Variants in LIPA observed in about 807,000 individuals in gnomAD.
LIPA encodes lysosomal acid lipase/cholesteryl ester hydrolase.
In LIPA, 26 loss-of-function variants were observed where a neutral mutation model predicts 40.6. That is an observed-to-expected ratio of 0.64 (90% CI 0.47 to 0.89). The LOEUF (loss-of-function observed/expected upper bound fraction) is 0.89, where lower values mean the gene tolerates loss of function less well. Among genes scored for constraint, LIPA ranks in the 40% least tolerant of loss-of-function variants. The pLI is 0.00. For missense variants in LIPA, 455 were observed against 479.6 expected (o/e 0.95, Z 0.48); for synonymous variants, 188 against 168.4 (o/e 1.12, Z -0.90).
At chr10:89,393,468 C>T (rs1390413776) in intron 2 of LIPA, 2 of 423,402 alleles carry the variant, frequency 4.7e-6, no homozygotes, top group East Asian at 7.8e-5. Context: ...CAAGGGGGCT[C>T]ATGCTTGTAA....
At chr10:89,383,566 G>A in intron 2 of LIPA, 1 of 1,614,222 alleles carries the variant, frequency 6.2e-7, no homozygotes, top group Non-Finnish European at 8.5e-7. Flanking sequence ...AATTCAGAAA[G>A]AACATGCCAA....
chr10:89,274,532 C>T (rs1176113878), intron 1 of LIPA, among the ~76,000 whole-genome samples: 2 of 152,154 alleles, frequency 1.3e-5, no homozygotes, highest in Non-Finnish European at 2.9e-5. Context: ...GAAACTAGGA[C>T]ACATCATGTC....
intron 2 of LIPA, chr10:89,378,222 C>T (rs1301531178): frequency 7.1e-7 from 1 of 1,407,780 alleles, no homozygotes; most frequent in Non-Finnish European, 1.0e-6. Context: ...AATTTTTTGA[C>T]AGGCCTTCTC....
chr10:89,364,128 A>T (rs1241331411), intron 2 of LIPA, among the ~76,000 whole-genome samples: 3 of 152,222 alleles, frequency 2.0e-5, no homozygotes, highest in Non-Finnish European at 4.4e-5. Flanking sequence ...GTTTGGTGGC[A>T]CACATCGCAT....
intron 1 of LIPA, among the ~76,000 whole-genome samples, chr10:89,298,624 T>C (rs1373514304): frequency 1.3e-5 from 2 of 152,052 alleles, no homozygotes; most frequent in East Asian, 3.9e-4. Flanking sequence ...AGCAAGGAAA[T>C]ATGATACCTT....
intron 1 of LIPA, among the ~76,000 whole-genome samples, chr10:89,297,653 G>T (rs1482821898): frequency 6.6e-6 from 1 of 152,202 alleles, no homozygotes; most frequent in Non-Finnish European, 1.5e-5. Flanking sequence ...TCCTGTTTGG[G>T]GCTGTGAGAA....
intron 1 of LIPA, among the ~76,000 whole-genome samples, chr10:89,318,134 G>A (rs574212353): frequency 6.6e-5 from 10 of 152,094 alleles, no homozygotes; most frequent in Non-Finnish European, 1.0e-4. Context: ...AAAGACCATC[G>A]GTGCTAGGAA....
Position 89,318,857 on chromosome 10 carries a change from A to G in LIPA, c.-2+23754T>C, listed in dbSNP as rs1386694357. 3.3e-5 allele frequency among the ~76,000 whole-genome samples: 5 copies of G among 152,352 alleles called. No homozygotes were observed. In the East Asian group the frequency reaches 9.6e-4, roughly 29 times the overall value. ...ATGTAAAAGAACAGAAATTATAACA[A>G]ACTGTCTCTCAGACCACAGTGCAAT... On this transcript the variant is annotated intron_variant, in intron 1 of 5. Transcript: ENST00000282673.
intron 1 of LIPA, chr10:89,284,910 C>T (rs1843333680): frequency 6.6e-6 from 1 of 152,256 alleles, no homozygotes; most frequent in Non-Finnish European, 1.5e-5. Flanking sequence ...CCACTGAGCA[C>T]CTTGTGCCCC....
At chr10:89,385,313 C>T (rs1029738998) in intron 2 of LIPA, 4 of 152,374 alleles carry the variant, frequency 2.6e-5, no homozygotes, top group African/African-American at 9.7e-5. Flanking sequence ...AACACATACT[C>T]TATTGCCTGG....
At chr10:89,343,691 T>G (rs1036861355), upstream of LIPA, among the ~76,000 whole-genome samples, 3 of 152,060 alleles carry the variant, frequency 2.0e-5, no homozygotes, top group South Asian at 4.1e-4. Context: ...AGTCACTGAG[T>G]AGGGAGGGAG....
intron 3 of LIPA, among the ~76,000 whole-genome samples, chr10:89,244,268 T>C (rs1219610737): frequency 6.6e-6 from 1 of 151,984 alleles, no homozygotes; most frequent in African/African-American, 2.4e-5. Context: ...CTAGGATAAA[T>C]TAAGAAAAAA....
intron 1 of LIPA, among the ~76,000 whole-genome samples, chr10:89,283,338 C>T (rs772654144): frequency 1.3e-5 from 2 of 152,208 alleles, no homozygotes; most frequent in Admixed American, 6.5e-5. Context: ...ACCGGAGTCT[C>T]TCTGAGGCCA....
At chr10:89,252,863 G>C (rs1391839045), upstream of LIPA, among the ~76,000 whole-genome samples, 1 of 150,986 alleles carries the variant, frequency 6.6e-6, no homozygotes. Context: ...AATCAGGAAA[G>C]GACTCTTATG....
intron 1 of LIPA, among the ~76,000 whole-genome samples, chr10:89,256,844 C>T (rs1843183851): frequency 6.6e-6 from 1 of 152,184 alleles, no homozygotes; most frequent in African/African-American, 2.4e-5. Context: ...GGGAAGATTT[C>T]TCCTACTTCC....
chr10:89,402,523 A>G (rs1322076765), intron 2 of LIPA: 6 of 1,614,012 alleles, frequency 3.7e-6, no homozygotes, highest in East Asian at 2.2e-5. Context: ...AACTTAATGC[A>G]GGAAGAACAT....
intron 2 of LIPA, among the ~76,000 whole-genome samples, chr10:89,375,905 G>A (rs1361951291): frequency 6.6e-6 from 1 of 151,990 alleles, no homozygotes; most frequent in East Asian, 1.9e-4. Context: ...ATGTCAAGAC[G>A]GGCCAGGTGC....
chr10:89,322,649 C>T (rs1843578068), intron 1 of LIPA, among the ~76,000 whole-genome samples: 1 of 151,060 alleles, frequency 6.6e-6, no homozygotes, highest in Non-Finnish European at 1.5e-5. Flanking sequence ...TCCAAGGAGA[C>T]TTCTGCAAGC....
intron 1 of LIPA, among the ~76,000 whole-genome samples, chr10:89,300,908 G>C (rs1250717876): frequency 6.6e-6 from 1 of 152,160 alleles, no homozygotes; most frequent in Non-Finnish European, 1.5e-5. Flanking sequence ...ACTTGAACCA[G>C]GGAGGTGGAG....
Sources: allele counts gnomAD v4.1 joint callset (sites outside exome capture counted in the v4.1 genomes callset), GRCh38; gene constraint gnomAD v4.1.1; transcripts MANE v1.5; gene names NCBI Gene and HGNC (gene_info 2026-07-23, HGNC 2026-07-21).